LRRC4C: variants seen among roughly 807,000 people sequenced by gnomAD.
The protein encoded by LRRC4C is leucine-rich repeat-containing protein 4C.
Under a neutral mutation model 33.6 loss-of-function variants are expected in LRRC4C, and 5 were observed. The observed-to-expected ratio is 0.15, with a 90% CI of 0.08 to 0.31. The LOEUF (loss-of-function observed/expected upper bound fraction) is 0.31, where lower values mean the gene tolerates loss of function less well. Among genes scored for constraint, LRRC4C ranks in the 10% least tolerant of loss-of-function variants. The probability of loss-of-function intolerance (pLI) is 1.00; values close to 1 mark genes in which losing one functional copy is unlikely to be tolerated. For missense variants in LRRC4C, 560 were observed against 796.7 expected (o/e 0.70, Z 3.58); for synonymous variants, 329 against 302.0 (o/e 1.09, Z -0.93).
At chr11:40,753,540 CTT>C (rs34980126) in intron 2 of LRRC4C, among the ~76,000 whole-genome samples, 3 of 129,670 alleles carry the variant, frequency 2.3e-5, no homozygotes, top group African/African-American at 2.8e-5. Flanking sequence ...CACAGAGGCA[CTT>C]TTTTTTTTTT....
At chr11:40,723,711 A>G (rs1947143113) in intron 2 of LRRC4C, among the ~76,000 whole-genome samples, 1 of 152,220 alleles carries the variant, frequency 6.6e-6, no homozygotes, top group Non-Finnish European at 1.5e-5. Flanking sequence ...TGGAGACTAC[A>G]AAGCAACCAG....
intron 2 of LRRC4C, among the ~76,000 whole-genome samples, chr11:40,738,843 A>G (rs1055739293): frequency 2.6e-5 from 4 of 152,056 alleles, no homozygotes; most frequent in African/African-American, 7.2e-5. Flanking sequence ...ATAGTCTCCA[A>G]TCTGCCCCAC....
chr11:41,179,843 T>C (rs992872465), intron 1 of LRRC4C, among the ~76,000 whole-genome samples: 2 of 151,292 alleles, frequency 1.3e-5, no homozygotes, highest in Non-Finnish European at 2.9e-5. Flanking sequence ...GTATCTTCTA[T>C]GTGATTGGAA....
rs1733907312 is a variant in LRRC4C at position 41,283,510 on chromosome 11, AC to A, written c.-496+175920del. On this transcript the variant is annotated intron_variant, in intron 1 of 6. Transcript: ENST00000528697. ...TTTTCACTTTTGAGTGGTTGAAAAA[AC>A]AAATTAAAAATACTATTCTATTCTG... Among the ~76,000 whole-genome samples, 4 of 152,334 alleles carry A rather than the reference AC, an allele frequency of 2.6e-5. No homozygotes were observed. The South Asian group carries it at 8.3e-4, about 32-fold the overall frequency.
chr11:40,338,286 T>C (rs867922105), intron 3 of LRRC4C, among the ~76,000 whole-genome samples: 94 of 152,218 alleles, frequency 6.2e-4, no homozygotes, highest in African/African-American at 2.1e-3. Flanking sequence ...AGTTAAGATA[T>C]GTTTTGGAGT....
At chr11:41,187,889 G>A (rs1266415658) in intron 1 of LRRC4C, among the ~76,000 whole-genome samples, 2 of 152,222 alleles carry the variant, frequency 1.3e-5, no homozygotes, top group Non-Finnish European at 2.9e-5. Flanking sequence ...CATCCTGTGA[G>A]GAGGATAAGG....
chr11:40,621,609 G>T (rs1226500481), intron 3 of LRRC4C, among the ~76,000 whole-genome samples: 1 of 151,720 alleles, frequency 6.6e-6, no homozygotes, highest in African/African-American at 2.4e-5. Context: ...GTGAGGTAAT[G>T]ATGACTTTAT....
intron 3 of LRRC4C, among the ~76,000 whole-genome samples, chr11:40,505,828 C>T (rs569219480): frequency 1.7e-3 from 253 of 152,154 alleles, no homozygotes; most frequent in Non-Finnish European, 2.3e-3. Context: ...TTTTGACCTC[C>T]CCCCGCTTTC....
At chr11:41,115,237 T>C (rs1210971869) in intron 1 of LRRC4C, among the ~76,000 whole-genome samples, 1 of 152,124 alleles carries the variant, frequency 6.6e-6, no homozygotes, top group African/African-American at 2.4e-5. Flanking sequence ...TTTTGATATG[T>C]TAATTAACAA....
chr11:41,279,424 A>ACCCCCCC (rs1227274322), intron 1 of LRRC4C, among the ~76,000 whole-genome samples: 2 of 128,626 alleles, frequency 1.6e-5, no homozygotes, highest in Non-Finnish European at 3.2e-5. Flanking sequence ...ACACACACAC[A>ACCCCCCC]CACACCGTGG....
At chr11:40,755,901 C>A (rs1011795192) in intron 2 of LRRC4C, among the ~76,000 whole-genome samples, 6 of 152,078 alleles carry the variant, frequency 3.9e-5, no homozygotes, top group African/African-American at 1.4e-4. Flanking sequence ...TAGTCTGAAC[C>A]CCCAGTATTT....
intron 1 of LRRC4C, among the ~76,000 whole-genome samples, chr11:41,370,581 C>T (rs901565661): frequency 3.9e-5 from 6 of 152,166 alleles, no homozygotes; most frequent in African/African-American, 1.4e-4. Flanking sequence ...AAGCGCCTTT[C>T]TCCTCCTGCC....
At position 40,990,231 on chromosome 11, in the gene LRRC4C, T is replaced by TGATA. The variant is rs1555030574; in HGVS notation, c.-495-56509_-495-56508insTATC. 1.0e-3 allele frequency among the ~76,000 whole-genome samples: 79 copies of TGATA among 78,236 alleles called. 2 individuals are homozygous for TGATA. Among genetic ancestry groups the TGATA allele is most frequent in the African/African-American group, 3.3e-3 (76 of 22,782 alleles). The allele number at this position is 78,236 out of a possible 152,430, so 51.3% of individuals were successfully genotyped here. ...AAATATTTGAATAGTATGTCAAGTT[T>TGATA]TATATATATATATATATATATATAT... is the stretch of plus-strand genomic sequence containing the variant. On this transcript the variant is annotated intron_variant, in intron 1 of 6. Transcript: ENST00000528697.
intron 1 of LRRC4C, among the ~76,000 whole-genome samples, chr11:41,344,605 C>T (rs1951746555): frequency 6.6e-6 from 1 of 152,106 alleles, no homozygotes; most frequent in Non-Finnish European, 1.5e-5. Context: ...TAAAACAAAA[C>T]AAACAATAAC....
At chr11:41,204,021 A>AT (rs1044323545) in intron 1 of LRRC4C, among the ~76,000 whole-genome samples, 18 of 151,184 alleles carry the variant, frequency 1.2e-4, no homozygotes, top group African/African-American at 3.4e-4. Context: ...ATAAGACCTC[A>AT]TTTTTTTTTC....
intron 3 of LRRC4C, among the ~76,000 whole-genome samples, chr11:40,338,402 A>G (rs1437781825): frequency 6.6e-6 from 1 of 152,214 alleles, no homozygotes; most frequent in East Asian, 1.9e-4. Context: ...TAATATTTGG[A>G]GTATTTATCA....
intron 5 of LRRC4C, among the ~76,000 whole-genome samples, chr11:40,193,792 G>A (rs1862037600): frequency 1.3e-5 from 2 of 152,078 alleles, no homozygotes; most frequent in South Asian, 4.1e-4. Context: ...AACACAGCAC[G>A]AGACCTTTGT....
At chr11:40,917,492 G>T (rs1433302563) in intron 2 of LRRC4C, among the ~76,000 whole-genome samples, 1 of 152,012 alleles carries the variant, frequency 6.6e-6, no homozygotes, top group Non-Finnish European at 1.5e-5. Flanking sequence ...ACTTATAAAA[G>T]AACCTAGGGG....
chr11:41,149,369 C>T (rs948458659), intron 1 of LRRC4C, among the ~76,000 whole-genome samples: 3 of 151,668 alleles, frequency 2.0e-5, no homozygotes, highest in Non-Finnish European at 2.9e-5. Context: ...TAGCCGGGCG[C>T]AGTGGCGGGC....
Sources: gnomAD v4.1 joint callset for allele counts (sites outside exome capture counted in the v4.1 genomes callset) on GRCh38, gnomAD v4.1.1 for gene constraint, MANE v1.5 for transcripts, NCBI Gene and HGNC (gene_info 2026-07-23, HGNC 2026-07-21) for gene names.